The following NEGR1 variants were observed in gnomAD, a reference collection of about 807,000 sequenced individuals.
NEGR1 encodes the protein neuronal growth regulator 1.
NEGR1 carries 10 observed loss-of-function variants against 40.9 expected under a neutral mutation model. The ratio of observed to expected loss-of-function variants is 0.24; its 90% CI spans 0.15 to 0.42. The LOEUF is 0.42. NEGR1 is among the 10% of genes least tolerant of loss of function. The pLI, the probability that NEGR1 is intolerant of heterozygous loss-of-function variation, is 1.00. For missense variants in NEGR1, 352 were observed against 438.9 expected, an observed-to-expected ratio of 0.80 and a Z score of 1.77; for synonymous variants, 185 against 166.8, an observed-to-expected ratio of 1.11 and a Z score of -0.84.
In NEGR1 at chr1:71,648,131, G is replaced by T. The variant is rs910927879; in HGVS notation, c.668-36985C>A. Among the ~76,000 whole-genome samples, 3 of 152,004 alleles carry T rather than the reference G, an allele frequency of 2.0e-5. No individual in the cohort carries two copies. The South Asian group carries it at 6.2e-4, about 32-fold the overall frequency. The stretch of plus-strand genomic sequence containing the variant: ...ACAGTTGTTTATAACTTTCTTAAAA[G>T]AATGCTTTGGGGTCTAAAATATCTT... On this transcript the variant is annotated intron_variant, in intron 4 of 6. Transcript: ENST00000357731.
intron 5 of NEGR1, among the ~76,000 whole-genome samples, chr1:71,606,337 G>C (rs889259117): frequency 6.6e-6 from 1 of 152,166 alleles, no homozygotes; most frequent in African/African-American, 2.4e-5. Flanking sequence ...CTTGGAAGCA[G>C]ATTCTCCAGC....
At chr1:71,665,464 T>C (rs1024607662) in intron 4 of NEGR1, among the ~76,000 whole-genome samples, 5 of 152,200 alleles carry the variant, frequency 3.3e-5, no homozygotes, top group African/African-American at 4.8e-5. Context: ...GATCCTGCCA[T>C]GTGACAAACA....
intron 6 of NEGR1, among the ~76,000 whole-genome samples, chr1:71,581,583 T>C (rs968250244): frequency 1.3e-5 from 2 of 152,118 alleles, no homozygotes; most frequent in Non-Finnish European, 2.9e-5. Context: ...TGGTTACAGA[T>C]ACATGATTCT....
intron 1 of NEGR1, among the ~76,000 whole-genome samples, chr1:72,126,104 T>TGTGG (rs1650010696): frequency 1.0e-5 from 1 of 97,754 alleles, no homozygotes; most frequent in Admixed American, 9.7e-5. Context: ...TGTGTGTGTG[T>TGTGG]GTGTGTGTGT....
intron 1 of NEGR1, among the ~76,000 whole-genome samples, chr1:71,985,027 T>C (rs892820687): frequency 6.6e-6 from 1 of 152,130 alleles, no homozygotes; most frequent in African/African-American, 2.4e-5. Flanking sequence ...CAAAAAGAAG[T>C]TAATCATCCA....
chr1:71,437,949 A>C (rs1445379681), intron 6 of NEGR1, among the ~76,000 whole-genome samples: 1 of 152,194 alleles, frequency 6.6e-6, no homozygotes, highest in African/African-American at 2.4e-5. Context: ...GCCTCTCAAG[A>C]ACTCTTATTA....
chr1:71,558,288 T>C (rs1458227015), intron 6 of NEGR1, among the ~76,000 whole-genome samples: 1 of 151,616 alleles, frequency 6.6e-6, no homozygotes, highest in Non-Finnish European at 1.5e-5. Context: ...TGTGAACATA[T>C]TAAAATTGCC....
chr1:72,082,986 T>C (rs972009758), intron 1 of NEGR1, among the ~76,000 whole-genome samples: 4 of 152,108 alleles, frequency 2.6e-5, no homozygotes, highest in Non-Finnish European at 4.4e-5. Context: ...AGTTGCTTCA[T>C]TGTAGCAATT....
At chr1:71,525,164 T>C (rs1432137190) in intron 6 of NEGR1, among the ~76,000 whole-genome samples, 5 of 151,800 alleles carry the variant, frequency 3.3e-5, no homozygotes, top group Admixed American at 1.3e-4. Flanking sequence ...ACAAATCTTA[T>C]GTGTTTCCTA....
At chr1:71,696,010 G>C (rs1653463559) in intron 4 of NEGR1, among the ~76,000 whole-genome samples, 1 of 151,738 alleles carries the variant, frequency 6.6e-6, no homozygotes, top group Non-Finnish European at 1.5e-5. Flanking sequence ...TTAAGGAACT[G>C]ATGCAAGAAA....
chr1:71,952,701 G>GAT (rs1646082290), intron 1 of NEGR1, among the ~76,000 whole-genome samples: 1 of 141,458 alleles, frequency 7.1e-6, no homozygotes, highest in South Asian at 2.1e-4. Context: ...TTCACGGCTA[G>GAT]AGAAGAGAAG....
chr1:71,584,537 A>G (rs187218794), intron 6 of NEGR1, among the ~76,000 whole-genome samples: 1 of 152,284 alleles, frequency 6.6e-6, no homozygotes, highest in South Asian at 2.1e-4. Context: ...TAGGGGTCAC[A>G]TTTCCATTTT....
intron 1 of NEGR1, chr1:72,100,696 CCAAA>C (rs1648901137): frequency 6.6e-6 from 1 of 152,264 alleles, no homozygotes; most frequent in Non-Finnish European, 1.5e-5. Context: ...CTTCTGAGGG[CCAAA>C]CAAGCTAAGA....
At chr1:72,280,480 C>A (rs904575633) in intron 1 of NEGR1, among the ~76,000 whole-genome samples, 3 of 152,256 alleles carry the variant, frequency 2.0e-5, no homozygotes, top group Admixed American at 2.0e-4. Context: ...TAGTGTCTTG[C>A]CCTTACCACT....
chr1:71,711,100 G>T (rs1016438623), intron 3 of NEGR1, among the ~76,000 whole-genome samples: 1 of 151,724 alleles, frequency 6.6e-6, no homozygotes, highest in Non-Finnish European at 1.5e-5. Flanking sequence ...CCCAATGGGA[G>T]GCTGAGGCGG....
At chr1:72,020,533 T>C (rs1646747528) in intron 1 of NEGR1, among the ~76,000 whole-genome samples, 1 of 152,108 alleles carries the variant, frequency 6.6e-6, no homozygotes, top group Admixed American at 6.6e-5. Flanking sequence ...ATCAGCCTTA[T>C]GCTATTTACA....
chr1:72,059,706 G>A (rs1298997269), intron 1 of NEGR1, among the ~76,000 whole-genome samples: 1 of 151,334 alleles, frequency 6.6e-6, no homozygotes, highest in African/African-American at 2.4e-5. Context: ...TCTTATATTA[G>A]GCATAATTCT....
rs565728817 is a variant in NEGR1 at position 71,958,459 on chromosome 1, G to T, written c.177-23148C>A. On this transcript the variant is annotated intron_variant, in intron 1 of 6. Transcript: ENST00000357731. ...GAAATATAAGAGAAAAGGAAAGGAC[G>T]AAGAGGAGACTTTCTCATACTCCAG... 1.8e-3 allele frequency among the ~76,000 whole-genome samples: 272 copies of T among 152,258 alleles called. 8 individuals carry two copies. In the South Asian group the frequency reaches 0.053, roughly 30 times the overall value.
chr1:72,262,601 T>C (rs931709933), intron 1 of NEGR1, among the ~76,000 whole-genome samples: 5 of 151,994 alleles, frequency 3.3e-5, no homozygotes, highest in Admixed American at 6.6e-5. Context: ...GCACTATTAG[T>C]TGTATCAATG....
Sources: allele counts gnomAD v4.1 joint callset (sites outside exome capture counted in the v4.1 genomes callset), GRCh38; gene constraint gnomAD v4.1.1; transcripts MANE v1.5; gene names NCBI Gene and HGNC (gene_info 2026-07-23, HGNC 2026-07-21).